Variants in CTNNA2 observed in about 807,000 individuals in gnomAD.
CTNNA2 encodes catenin alpha-2.
In CTNNA2, 42 loss-of-function variants were observed where a neutral mutation model predicts 101.0. The ratio of observed to expected loss-of-function variants is 0.42; its 90% CI spans 0.32 to 0.54. The LOEUF (loss-of-function observed/expected upper bound fraction) is 0.54, where lower values mean the gene tolerates loss of function less well. Among genes scored for constraint, CTNNA2 ranks in the 20% least tolerant of loss-of-function variants. CTNNA2 has a pLI of 0.14. For missense variants in CTNNA2, 871 were observed against 1,223.1 expected, an observed-to-expected ratio of 0.71 and a Z score of 4.29; for synonymous variants, 450 against 456.4, an observed-to-expected ratio of 0.99 and a Z score of 0.18.
intron 7 of CTNNA2, among the ~76,000 whole-genome samples, chr2:80,122,047 A>C (rs1701864412): frequency 6.6e-6 from 1 of 152,130 alleles, no homozygotes; most frequent in Non-Finnish European, 1.5e-5. Flanking sequence ...TTGGAAAATG[A>C]CTTCATTCCC....
At chr2:80,126,785 A>T (rs541101905) in intron 7 of CTNNA2, among the ~76,000 whole-genome samples, 28 of 151,806 alleles carry the variant, frequency 1.8e-4, no homozygotes, top group African/African-American at 6.5e-4. Flanking sequence ...TGGCTGTCTG[A>T]TTTAATCTCA....
At chr2:79,834,545 G>T (rs1442213126) in intron 3 of CTNNA2, among the ~76,000 whole-genome samples, 4 of 152,040 alleles carry the variant, frequency 2.6e-5, no homozygotes, top group Admixed American at 6.5e-5. Flanking sequence ...ATTTGGGTTT[G>T]CTATTTTCTT....
chr2:79,285,186 G>A (rs1479031753), intron 2 of CTNNA2, among the ~76,000 whole-genome samples: 1 of 150,926 alleles, frequency 6.6e-6, no homozygotes, highest in Admixed American at 6.6e-5. Flanking sequence ...CAATTTTGTT[G>A]ATCCTTTCAA....
At chr2:79,723,163 T>C (rs1218378254) in intron 2 of CTNNA2, among the ~76,000 whole-genome samples, 4 of 114,924 alleles carry the variant, frequency 3.5e-5, no homozygotes, top group South Asian at 5.2e-4. Flanking sequence ...CTACCCCCTA[T>C]AGACCTGCGT....
intron 4 of CTNNA2, among the ~76,000 whole-genome samples, chr2:79,475,383 G>A (rs1671039929): frequency 6.6e-6 from 1 of 152,140 alleles, no homozygotes; most frequent in African/African-American, 2.4e-5. Context: ...GACAAGTGAA[G>A]CTGGAGGTGA....
intron 7 of CTNNA2, among the ~76,000 whole-genome samples, chr2:80,339,190 C>T (rs1559022847): frequency 6.6e-6 from 1 of 151,924 alleles, no homozygotes; most frequent in Non-Finnish European, 1.5e-5. Context: ...TGTGTGTGCA[C>T]ATGTGTGTGT....
intron 9 of CTNNA2, among the ~76,000 whole-genome samples, chr2:80,430,034 A>G (rs1373185354): frequency 6.6e-6 from 1 of 152,188 alleles, no homozygotes; most frequent in African/African-American, 2.4e-5. Context: ...TGTAAGAGAA[A>G]CCAACTATTA....
chr2:79,713,000 C>T (rs1024695734), intron 2 of CTNNA2, among the ~76,000 whole-genome samples: 1 of 152,186 alleles, frequency 6.6e-6, no homozygotes, highest in Non-Finnish European at 1.5e-5. Flanking sequence ...GATTTTTAAA[C>T]AGCATGTATG....
intron 4 of CTNNA2, among the ~76,000 whole-genome samples, chr2:79,443,984 C>T (rs1678804599): frequency 6.6e-6 from 1 of 151,354 alleles, no homozygotes; most frequent in Non-Finnish European, 1.5e-5. Context: ...GCTGAAGAGG[C>T]TCATGTGGCA....
chr2:80,218,958 G>A (rs1437352976), intron 7 of CTNNA2, among the ~76,000 whole-genome samples: 1 of 152,154 alleles, frequency 6.6e-6, no homozygotes, highest in Non-Finnish European at 1.5e-5. Context: ...TCAATTTAAT[G>A]TTATGTAGAA....
At chr2:79,986,670 C>A (rs987043476) in intron 7 of CTNNA2, among the ~76,000 whole-genome samples, 4 of 152,134 alleles carry the variant, frequency 2.6e-5, no homozygotes, top group African/African-American at 9.7e-5. Flanking sequence ...CATTTCTGCT[C>A]ACCAAAAGCA....
intron 7 of CTNNA2, among the ~76,000 whole-genome samples, chr2:79,931,654 C>T (rs1687450715): frequency 6.6e-6 from 1 of 152,188 alleles, no homozygotes; most frequent in South Asian, 2.1e-4. Flanking sequence ...GATCAGTTCT[C>T]AATGGACTGG....
chr2:80,100,148 G>C (rs758512656), intron 7 of CTNNA2, among the ~76,000 whole-genome samples: 7 of 152,126 alleles, frequency 4.6e-5, no homozygotes, highest in Non-Finnish European at 7.4e-5. Context: ...TGGTCAGGCT[G>C]GTCTCGAACT....
chr2:80,454,089 T>G (rs754929174), intron 9 of CTNNA2, among the ~76,000 whole-genome samples: 56 of 152,160 alleles, frequency 3.7e-4, no homozygotes, highest in Non-Finnish European at 7.4e-4. Context: ...TCGAGCCCCA[T>G]TCCAACTATC....
chr2:80,411,882 T>G (rs1479162240), intron 8 of CTNNA2, among the ~76,000 whole-genome samples: 1 of 152,170 alleles, frequency 6.6e-6, no homozygotes, highest in African/African-American at 2.4e-5. Context: ...AAATAAGCAC[T>G]AAATGAAGAT....
chr2:80,439,554 A>G (rs1682367161), intron 9 of CTNNA2, among the ~76,000 whole-genome samples: 1 of 151,922 alleles, frequency 6.6e-6, no homozygotes, highest in Non-Finnish European at 1.5e-5. Context: ...GCAAACCACC[A>G]CACCTGGCTA....
chr2:80,103,784 GA>G (rs1391353288), intron 7 of CTNNA2, among the ~76,000 whole-genome samples: 1 of 152,178 alleles, frequency 6.6e-6, no homozygotes, highest in African/African-American at 2.4e-5. Flanking sequence ...ACCCAGGCTG[GA>G]GTGCAGTGGC....
intron 17 of CTNNA2, among the ~76,000 whole-genome samples, chr2:80,611,902 A>G (rs1698494805): frequency 6.6e-6 from 1 of 151,612 alleles, no homozygotes; most frequent in Non-Finnish European, 1.5e-5. Flanking sequence ...AATGTTCAGG[A>G]TGTAATTTAT....
At chr2:79,650,602 T>C (rs1389728672) in intron 1 of CTNNA2, among the ~76,000 whole-genome samples, 1 of 151,110 alleles carries the variant, frequency 6.6e-6, no homozygotes. Flanking sequence ...ACCTCTCCCA[T>C]AGTCCTCTCT....
Sources: allele counts gnomAD v4.1 joint callset (sites outside exome capture counted in the v4.1 genomes callset), GRCh38; gene constraint gnomAD v4.1.1; transcripts MANE v1.5; gene names NCBI Gene and HGNC (gene_info 2026-07-23, HGNC 2026-07-21).